The following HSPA14 variants were observed in gnomAD, a reference collection of about 807,000 sequenced individuals.
HSPA14 encodes the protein heat shock 70 kDa protein 14.
HSPA14 carries 37 observed loss-of-function variants against 65.5 expected under a neutral mutation model. The observed-to-expected ratio is 0.56, with a 90% CI of 0.43 to 0.74. The LOEUF (loss-of-function observed/expected upper bound fraction) is 0.74, where lower values mean the gene tolerates loss of function less well. HSPA14 is among the 30% of genes least tolerant of loss of function. The pLI is 0.00. For missense variants in HSPA14, 564 were observed against 607.6 expected (o/e 0.93, Z 0.75); for synonymous variants, 203 against 214.2 (o/e 0.95, Z 0.46).
At chr10:14,850,599 G>T (rs914775895) in intron 6 of HSPA14, 1 of 152,366 alleles carries the variant, frequency 6.6e-6, no homozygotes, top group Middle Eastern at 3.4e-3. Context: ...CTGAGGCAGA[G>T]AATTGCCTTA....
intron 5 of HSPA14, chr10:14,849,465 G>A (rs1834091026): frequency 1.7e-6 from 1 of 586,722 alleles, no homozygotes; most frequent in Non-Finnish European, 3.3e-6. Context: ...GTCTAATTCA[G>A]AAGATGGTTG....
At chr10:14,845,722 C>A in intron 3 of HSPA14, 1 of 189,614 alleles carries the variant, frequency 5.3e-6, no homozygotes, top group Non-Finnish European at 9.8e-6. Context: ...CCAACATGCC[C>A]AACTCATTTT....
At chr10:14,840,045 T>C (rs753504172) in intron 2 of HSPA14, 30 bp from the exon 3 acceptor site, 10 of 1,095,200 alleles carry the variant, frequency 9.1e-6, no homozygotes, top group South Asian at 2.5e-5. Context: ...CATTGTAATA[T>C]ATATATATAT....
intron 1 of HSPA14, chr10:14,838,702 C>A (rs984932866): frequency 4.2e-6 from 2 of 472,130 alleles, no homozygotes; most frequent in African/African-American, 2.1e-5. Context: ...GGTCCCAGGG[C>A]GTCATGGCGG....
chr10:14,857,981 A>G (rs1832722435), intron 10 of HSPA14, among the ~76,000 whole-genome samples: 2 of 151,832 alleles, frequency 1.3e-5, no homozygotes, highest in Non-Finnish European at 2.9e-5. Flanking sequence ...GTGAAGGATG[A>G]GGCATGTTGT....
chr10:14,864,812 T>G (rs1832791012), intron 10 of HSPA14, among the ~76,000 whole-genome samples: 1 of 152,232 alleles, frequency 6.6e-6, no homozygotes, highest in Non-Finnish European at 1.5e-5. Context: ...TATGGCAGCA[T>G]GACTTATAAT....
chr10:14,866,889 G>C (rs1454296497), intron 10 of HSPA14, among the ~76,000 whole-genome samples, 194 bp from the exon 11 acceptor site: 1 of 152,096 alleles, frequency 6.6e-6, no homozygotes, highest in Non-Finnish European at 1.5e-5. Context: ...TAAAGAATAT[G>C]TTAAATATCT....
chr10:14,841,325 G>C (rs1163964404), intron 3 of HSPA14: 1 of 152,080 alleles, frequency 6.6e-6, no homozygotes, highest in Non-Finnish European at 1.5e-5. Context: ...ATAAAGTCTA[G>C]AAAAAAGAAT....
In HSPA14 at chr10:14,854,427, G is replaced by A. The variant is rs1176715548; in HGVS notation, c.890+147G>A. 4 of 640,134 alleles carry A rather than the reference G, an allele frequency of 6.2e-6. No individual in the cohort carries two copies. In the East Asian group the frequency reaches 8.5e-5, roughly 14 times the overall value. 39.7% of individuals were successfully genotyped at this position (640,134 alleles called of 1,614,324 possible). ...TTCACTTTATTGGGGTCCAGTTTTT[G>A]TCAGACTAAATAGCTGTTACCAGAG... On this transcript the variant is annotated intron_variant, in intron 9 of 13. Coordinates refer to ENST00000378372, the MANE Select transcript of HSPA14 (RefSeq NM_016299.4).
At chr10:14,865,008 G>A (rs527336978) in intron 10 of HSPA14, among the ~76,000 whole-genome samples, 19 of 151,946 alleles carry the variant, frequency 1.3e-4, no homozygotes, top group African/African-American at 2.7e-4. Flanking sequence ...TTTAATGATC[G>A]CCATTCTAAC....
chr10:14,862,381 T>C (rs1268053231), intron 10 of HSPA14, among the ~76,000 whole-genome samples: 5 of 148,754 alleles, frequency 3.4e-5, no homozygotes, highest in East Asian at 2.0e-4. Flanking sequence ...CTTTTCTTTT[T>C]TTTTTTTTTT....
Position 14,848,798 on chromosome 10 carries a change from A to G in HSPA14, c.279A>G (p.Glu93=), listed in dbSNP as rs550628295. The G allele has an allele frequency of 1.3e-6, 2 of 1,556,176 alleles. No homozygotes were observed. The highest frequency in any genetic ancestry group is 2.4e-5 in the South Asian group (2 of 84,432). ...TGTAATTTATTTTATAGGTCATTGA[A>G]AAAAATGGGAAATTACGATATGAAA... is the stretch of plus-strand genomic sequence containing the variant. ...YIAESKCLVI[E]KNGKLRYEID... Residue 93 remains glutamate, a synonymous_variant, in exon 5 of 14, where the codon GAA becomes GAG. Transcript: ENST00000378372.
intron 3 of HSPA14, chr10:14,847,011 G>T: frequency 4.1e-6 from 4 of 985,488 alleles, no homozygotes; most frequent in Non-Finnish European, 4.8e-6. Context: ...TTGTGGGTCA[G>T]TCCACTACTT....
rs564190299 is a variant in HSPA14 at position 14,840,069 on chromosome 10, T to A, written c.139-6T>A. 1 of 1,339,088 alleles carries A rather than the reference T, an allele frequency of 7.5e-7. No homozygotes were observed. Among genetic ancestry groups the A allele is most frequent in the Admixed American group, 2.4e-5 (1 of 40,904 alleles). The allele number at this position is 1,339,088 out of a possible 1,614,324, so 83.0% of individuals were successfully genotyped here. On this transcript the variant is annotated splice_polypyrimidine_tract_variant and splice_region_variant and intron_variant, in intron 2 of 13. Coordinates refer to ENST00000378372, the MANE Select transcript of HSPA14 (RefSeq NM_016299.4). ...ATATATATATATATATTATTTTTTT[T>A]TTCAGATTGTTGGATTGGCAGCAAA...
intron 12 of HSPA14, among the ~76,000 whole-genome samples, chr10:14,868,896 G>A (rs1257446760): frequency 6.6e-6 from 1 of 152,184 alleles, no homozygotes; most frequent in African/African-American, 2.4e-5. Flanking sequence ...GCCCAGGCCA[G>A]AGTGCAGTGG....
chr10:14,843,455 C>T (rs993979696), intron 3 of HSPA14: 2 of 1,550,566 alleles, frequency 1.3e-6, no homozygotes, highest in African/African-American at 2.7e-5. Context: ...AGCCCCATGG[C>T]CAGACTGGGT....
rs765941644 is a variant in HSPA14, at chr10:14,868,840, TG to T, written c.1380+932del. ...ATATCGGTAACAAAAAATAATGTACTGTTTTTTTTGTTTTTTCTTTTTTTGA... is the reference window on the plus strand; with the variant it reads ...ATATCGGTAACAAAAAATAATGTACTTTTTTTTTGTTTTTTCTTTTTTTGA... On this transcript the variant is annotated intron_variant, in intron 12 of 13. Transcript: ENST00000378372. Among the ~76,000 whole-genome samples the T allele has an allele frequency of 3.9e-5, 6 of 152,294 alleles. No homozygotes were observed. The South Asian group carries it at 6.2e-4, about 16-fold the overall frequency.
chr10:14,852,361 C>G lies in HSPA14; in HGVS notation c.573-9C>G. The G allele has an allele frequency of 6.2e-7, 1 of 1,609,896 alleles. No homozygotes were observed. Among genetic ancestry groups the G allele is most frequent in the Middle Eastern group, 1.7e-4 (1 of 6,048 alleles). ...ATTCCCTGATAACTTACTTTATCTTCTCTTGAAGCAATATTTTGGTGTTTA... is the reference window on the plus strand; with the variant it reads ...ATTCCCTGATAACTTACTTTATCTTGTCTTGAAGCAATATTTTGGTGTTTA... On this transcript the variant is annotated splice_polypyrimidine_tract_variant and intron_variant, in intron 7 of 13. Transcript: ENST00000378372.
intron 3 of HSPA14, among the ~76,000 whole-genome samples, chr10:14,847,501 C>T (rs1469043400): frequency 6.6e-6 from 1 of 152,106 alleles, no homozygotes; most frequent in East Asian, 1.9e-4. Flanking sequence ...CCAGTTATGC[C>T]ATTGATTAGC....
Sources: gnomAD v4.1 joint callset for allele counts (sites outside exome capture counted in the v4.1 genomes callset) on GRCh38, gnomAD v4.1.1 for gene constraint, MANE v1.5 for transcripts, NCBI Gene and HGNC (gene_info 2026-07-23, HGNC 2026-07-21) for gene names.